Variants in DOCK2 observed in about 807,000 individuals in gnomAD.
DOCK2 encodes the protein dedicator of cytokinesis 2.
A neutral mutation model predicts 248.9 loss-of-function variants in DOCK2; 87 were observed. That is an observed-to-expected ratio of 0.35 (90% CI 0.29 to 0.42). The LOEUF (loss-of-function observed/expected upper bound fraction) is 0.42. Ranked by LOEUF, DOCK2 falls within the 10% of genes least tolerant of loss-of-function variation. The pLI is 1.00. For synonymous variants in DOCK2, 805 were observed against 821.6 expected, an observed-to-expected ratio of 0.98 and a Z score of 0.35; for missense variants, 1,747 against 2,300.2, an observed-to-expected ratio of 0.76 and a Z score of 4.92.
rs549448306 is a variant in DOCK2, at chr5:169,822,142, G to C, written c.2704-18615G>C. Among the ~76,000 whole-genome samples the C allele has an allele frequency of 2.7e-4, 41 of 152,298 alleles. 1 individual carries two copies. The South Asian group carries it at 8.1e-3, about 30-fold the overall frequency. Reference sequence around the variant, plus strand: ...GCAAGTCCTTAGAGACCTACAAAGAGACTTAGACTCCCACACAATAATAAT... The same window carrying C: ...GCAAGTCCTTAGAGACCTACAAAGACACTTAGACTCCCACACAATAATAAT... On this transcript the variant is annotated intron_variant, in intron 26 of 51. Transcript: ENST00000520908.
At chr5:169,833,264 T>C (rs181166465) in intron 26 of DOCK2, among the ~76,000 whole-genome samples, 12 of 152,320 alleles carry the variant, frequency 7.9e-5, no homozygotes, top group African/African-American at 1.9e-4. Flanking sequence ...ACCTCACTTC[T>C]AAATATTCAA....
intron 27 of DOCK2, among the ~76,000 whole-genome samples, chr5:169,904,193 C>A (rs1774140830): frequency 3.3e-5 from 5 of 151,884 alleles, no homozygotes; most frequent in Admixed American, 2.6e-4. Flanking sequence ...AGCATACTGA[C>A]CTAGCCTTTG....
intron 26 of DOCK2, among the ~76,000 whole-genome samples, chr5:169,809,888 T>G (rs1189375584): frequency 6.6e-6 from 1 of 152,198 alleles, no homozygotes; most frequent in African/African-American, 2.4e-5. Flanking sequence ...GAAATCAGGT[T>G]AAATGTGACT....
chr5:170,016,419 T>C (rs1441373215), intron 32 of DOCK2, among the ~76,000 whole-genome samples: 1 of 152,376 alleles, frequency 6.6e-6, no homozygotes, highest in Admixed American at 6.5e-5. Context: ...CAAACACATA[T>C]GCATTTGGAT....
chr5:170,043,737 G>C (rs1756598251), intron 38 of DOCK2, among the ~76,000 whole-genome samples: 1 of 152,206 alleles, frequency 6.6e-6, no homozygotes. Context: ...TGTCAAGTCA[G>C]AGCTTACTAT....
chr5:170,020,178 A>G lies in DOCK2; in HGVS notation c.3381+1070A>G, dbSNP rs1046750705. On this transcript the variant is annotated intron_variant, in intron 33 of 51. Coordinates refer to ENST00000520908, the MANE Select transcript of DOCK2 (RefSeq NM_004946.3). Reference sequence around the variant, plus strand: ...ACTCTCCCCGCCTTACCTCTTCTCCACCATCCCCGCAGCCCACCTGAATGG... The same window carrying G: ...ACTCTCCCCGCCTTACCTCTTCTCCGCCATCCCCGCAGCCCACCTGAATGG... Among the ~76,000 whole-genome samples, 15 of 152,066 alleles carry G rather than the reference A, an allele frequency of 9.9e-5. 1 individual carries two copies. Among genetic ancestry groups the G allele is most frequent in the African/African-American group, 3.6e-4 (15 of 41,468 alleles).
At chr5:169,712,478 T>A (rs1761643301) in intron 17 of DOCK2, among the ~76,000 whole-genome samples, 1 of 152,198 alleles carries the variant, frequency 6.6e-6, no homozygotes, top group Admixed American at 6.5e-5. Context: ...AAGAACTCAA[T>A]ACATGGAAAA....
intron 41 of DOCK2, among the ~76,000 whole-genome samples, chr5:170,051,736 C>T (rs1217268980): frequency 6.6e-6 from 1 of 152,012 alleles, no homozygotes; most frequent in African/African-American, 2.4e-5. Flanking sequence ...CTCCCTCGTG[C>T]CTGGTACAAA....
chr5:170,055,423 A>G (rs1163216896), intron 42 of DOCK2, 37 bp downstream of exon 42: 3 of 1,599,630 alleles, frequency 1.9e-6, no homozygotes, highest in East Asian at 2.2e-5. Context: ...AGGATGGGGA[A>G]GAGAACCCAT....
At chr5:169,729,368 G>T (rs994081479) in intron 22 of DOCK2, among the ~76,000 whole-genome samples, 10 of 152,154 alleles carry the variant, frequency 6.6e-5, no homozygotes, top group Non-Finnish European at 1.5e-4. Flanking sequence ...CACTCATTGG[G>T]CTTGTTATTT....
intron 25 of DOCK2, among the ~76,000 whole-genome samples, chr5:169,785,370 CAG>C (rs1425953481): frequency 6.6e-6 from 1 of 152,158 alleles, no homozygotes; most frequent in African/African-American, 2.4e-5. Flanking sequence ...GCTCTTCCAT[CAG>C]AGAGTGTGAA....
intron 27 of DOCK2, among the ~76,000 whole-genome samples, chr5:169,863,486 G>T (rs1364863060): frequency 6.6e-6 from 1 of 152,208 alleles, no homozygotes; most frequent in African/African-American, 2.4e-5. Context: ...CCACCCATTT[G>T]CCAGGTGGTC....
Position 169,710,283 on chromosome 5 carries a change from G to A in DOCK2, c.1483-1652G>A, listed in dbSNP as rs558395574. On this transcript the variant is annotated intron_variant, in intron 15 of 51. Transcript: ENST00000520908. ...TGGAGGCCAGGTGGGTGAGCACCCT[G>A]GTTCCCTTGATCACCCTTCCTTGGT... is the stretch of plus-strand genomic sequence containing the variant. 4.6e-5 allele frequency among the ~76,000 whole-genome samples: 7 copies of A among 152,280 alleles called. No homozygotes were observed. The East Asian group carries it at 1.4e-3, about 29-fold the overall frequency.
chr5:170,053,549 T>C (rs776888313), intron 41 of DOCK2, among the ~76,000 whole-genome samples: 2 of 152,252 alleles, frequency 1.3e-5, no homozygotes, highest in Non-Finnish European at 2.9e-5. Flanking sequence ...TGAACCAGAT[T>C]TGACCGCAGG....
At chr5:169,699,618 A>G (rs1201200164) in intron 12 of DOCK2, among the ~76,000 whole-genome samples, 160 bp downstream of exon 12, 2 of 152,214 alleles carry the variant, frequency 1.3e-5, no homozygotes, top group Non-Finnish European at 2.9e-5. Flanking sequence ...GATAAGTCAC[A>G]TTTTCTGAAG....
intron 27 of DOCK2, among the ~76,000 whole-genome samples, chr5:169,958,198 G>C (rs1776944711): frequency 1.3e-5 from 2 of 148,800 alleles, no homozygotes; most frequent in South Asian, 2.2e-4. Context: ...TGGCTAAATG[G>C]AACACAGATA....
intron 48 of DOCK2, 31 bp downstream of exon 48, chr5:170,077,868 C>A (rs764193749): frequency 6.2e-7 from 1 of 1,603,854 alleles, no homozygotes; most frequent in Admixed American, 1.7e-5. Flanking sequence ...GAGCCCCCCA[C>A]ACCCCTGCCT....
At position 169,711,952 on chromosome 5, in the gene DOCK2, A is replaced by G. The variant is rs1761610629; in HGVS notation, c.1500A>G (p.Glu500=). 1 of 1,614,048 alleles carries G rather than the reference A, an allele frequency of 6.2e-7. No individual in the cohort carries two copies. The highest frequency in any genetic ancestry group is 2.2e-5 in the East Asian group (1 of 44,874). ...METVKVAVPI[E]DMQRIHLRFM... is the part of the protein sequence containing the mutation. ...CTGCTGAGGTGGCTGTCCCTATTGA[A>G]GACATGCAGAGGATCCATCTGCGAT... The change falls in exon 16 of 52, where the codon GAA becomes GAG. Residue 500 remains glutamate (E), a synonymous_variant. Transcript: ENST00000520908.
At position 170,079,032 on chromosome 5, in the gene DOCK2, C is replaced by A. The variant is rs1378690260; in HGVS notation, c.5052C>A (p.Ile1684=). The part of the protein sequence containing the change: ...KTPRVEQEEP[I]SPGSTLPEVK... ...CGAGAGTGGAGCAGGAGGAACCGAT[C>A]TCCCCGGGGAGCACCCTGCCTGAGG... The change falls in exon 49 of 52, where the codon ATC becomes ATA. Residue 1684 remains isoleucine, a synonymous_variant. Coordinates refer to ENST00000520908, the MANE Select transcript of DOCK2 (RefSeq NM_004946.3). 3.1e-6 allele frequency: 5 copies of A among 1,614,052 alleles called. No individual in the cohort carries two copies. Among genetic ancestry groups the A allele is most frequent in the Non-Finnish European group, 3.4e-6 (4 of 1,180,046 alleles).
Sources: allele counts gnomAD v4.1 joint callset (sites outside exome capture counted in the v4.1 genomes callset), GRCh38; gene constraint gnomAD v4.1.1; transcripts MANE v1.5; gene names NCBI Gene and HGNC (gene_info 2026-07-23, HGNC 2026-07-21).